PXDNL: variants seen among roughly 807,000 people sequenced by gnomAD.
The protein encoded by PXDNL is peroxidasin like.
Under a neutral mutation model 150.8 loss-of-function variants are expected in PXDNL, and 145 were observed. That is an observed-to-expected ratio of 0.96 (90% CI 0.84 to 1.10). PXDNL has a LOEUF of 1.10. Among genes scored for constraint, PXDNL ranks in the 50% least tolerant of loss-of-function variants. PXDNL has a pLI of 0.00. For synonymous variants in PXDNL, 757 were observed against 725.7 expected (o/e 1.04, Z -0.69); for missense variants, 2,087 against 1,873.9 (o/e 1.11, Z -2.10).
intron 14 of PXDNL, among the ~76,000 whole-genome samples, chr8:51,416,055 T>C (rs1268207075): frequency 5.9e-5 from 9 of 152,234 alleles, no homozygotes; most frequent in Admixed American, 5.2e-4. Flanking sequence ...GACTTGATTA[T>C]TTAATCAACA....
chr8:51,429,585 A>C (rs916046589), intron 12 of PXDNL, among the ~76,000 whole-genome samples: 1 of 152,000 alleles, frequency 6.6e-6, no homozygotes, highest in Middle Eastern at 3.2e-3. Context: ...AAAATAAAGC[A>C]AAAAAAGTCC....
intron 4 of PXDNL, among the ~76,000 whole-genome samples, chr8:51,550,555 C>A (rs965123856): frequency 1.3e-5 from 2 of 152,018 alleles, no homozygotes; most frequent in Admixed American, 1.3e-4. Flanking sequence ...TGTGATACAC[C>A]ACATAAACAG....
chr8:51,547,652 A>G (rs538024148), intron 4 of PXDNL, among the ~76,000 whole-genome samples: 2 of 152,268 alleles, frequency 1.3e-5, no homozygotes, highest in Admixed American at 6.5e-5. Context: ...GGAGAAAACC[A>G]CATCAAGGGA....
chr8:51,442,858 A>T (rs1198765604), intron 12 of PXDNL, among the ~76,000 whole-genome samples: 1 of 118,358 alleles, frequency 8.4e-6, no homozygotes, highest in Non-Finnish European at 2.1e-5. Flanking sequence ...TATTATCAAG[A>T]TTATGCTTGT....
chr8:51,707,105 T>C (rs2130892044), intron 1 of PXDNL, among the ~76,000 whole-genome samples: 1 of 152,356 alleles, frequency 6.6e-6, no homozygotes, highest in South Asian at 2.1e-4. Flanking sequence ...GCTATTTTAA[T>C]AATTTGTTTT....
At chr8:51,609,195 T>C (rs1163767230) in intron 2 of PXDNL, among the ~76,000 whole-genome samples, 1 of 152,228 alleles carries the variant, frequency 6.6e-6, no homozygotes, top group African/African-American at 2.4e-5. Context: ...CTTGATTACT[T>C]ACTATTTTGG....
At chr8:51,517,027 T>C (rs1216347733) in intron 4 of PXDNL, among the ~76,000 whole-genome samples, 2 of 152,228 alleles carry the variant, frequency 1.3e-5, no homozygotes, top group Non-Finnish European at 2.9e-5. Flanking sequence ...TTTACTTTCT[T>C]TTCAGGAAAA....
At chr8:51,609,311 T>A (rs1363799556) in intron 2 of PXDNL, among the ~76,000 whole-genome samples, 1 of 152,006 alleles carries the variant, frequency 6.6e-6, no homozygotes, top group Non-Finnish European at 1.5e-5. Flanking sequence ...AAAATTCAAG[T>A]GGTAATTTAT....
At chr8:51,333,890 T>C (rs192878041) in intron 21 of PXDNL, among the ~76,000 whole-genome samples, 87 of 152,312 alleles carry the variant, frequency 5.7e-4, no homozygotes, top group Non-Finnish European at 8.4e-4. Context: ...AATACTCTAC[T>C]GACAGCACTA....
At chr8:51,664,328 G>A (rs962313412) in intron 1 of PXDNL, among the ~76,000 whole-genome samples, 1 of 152,110 alleles carries the variant, frequency 6.6e-6, no homozygotes, top group African/African-American at 2.4e-5. Flanking sequence ...TTGTCATTCT[G>A]GAGAAAGTGA....
intron 17 of PXDNL, among the ~76,000 whole-genome samples, chr8:51,391,546 A>C (rs1161232227): frequency 6.6e-6 from 1 of 150,404 alleles, no homozygotes; most frequent in Non-Finnish European, 1.5e-5. Flanking sequence ...TCTTCTTTTG[A>C]GAAGTGTCTG....
chr8:51,793,042 C>CA (rs928370988), intron 1 of PXDNL, among the ~76,000 whole-genome samples: 4 of 152,338 alleles, frequency 2.6e-5, no homozygotes, highest in Middle Eastern at 3.4e-3. Flanking sequence ...AGACCCCCCA[C>CA]AACAGGGGTT....
At chr8:51,698,275 G>A (rs1816185940) in intron 1 of PXDNL, among the ~76,000 whole-genome samples, 1 of 152,210 alleles carries the variant, frequency 6.6e-6, no homozygotes, top group Non-Finnish European at 1.5e-5. Context: ...CAGAATTGGA[G>A]TAAATTCTCT....
Position 51,320,846 on chromosome 8 carries a change from C to T in PXDNL, c.4198G>A (p.Gly1400Arg), listed in dbSNP as rs766435712. 3.3e-5 allele frequency: 53 copies of T among 1,613,864 alleles called. No homozygotes were observed. The East Asian group carries it at 1.1e-3, about 35-fold the overall frequency. The stretch of plus-strand genomic sequence containing the variant: ...CGCTCCTCGGCCTTCCTTGGAACCC[C>T]TCTAACATCTGTACACCCTGCCTGC... ...LRQAGCTDVR[G>R]VPRKAEERWM... The change falls in exon 22 of 23, where the codon GGG becomes AGG. Residue 1400 changes from glycine to arginine, a missense_variant. Gly to Arg is a moderately radical substitution (Grantham distance 125, BLOSUM62 -2). Coordinates refer to ENST00000356297, the MANE Select transcript of PXDNL (RefSeq NM_144651.5).
At chr8:51,416,965 T>A (rs1158524925) in intron 14 of PXDNL, among the ~76,000 whole-genome samples, 1 of 152,180 alleles carries the variant, frequency 6.6e-6, no homozygotes, top group African/African-American at 2.4e-5. Context: ...TAAAACTAAC[T>A]CTTTTATTAT....
intron 1 of PXDNL, among the ~76,000 whole-genome samples, chr8:51,780,483 T>C (rs1373971081): frequency 6.6e-6 from 1 of 152,120 alleles, no homozygotes; most frequent in African/African-American, 2.4e-5. Flanking sequence ...TATCCTACAA[T>C]GAGAAACCTT....
In PXDNL at chr8:51,408,089, C is replaced by G. The variant is rs1387727676; in HGVS notation, c.3535G>C (p.Glu1179Gln). ...EDLQNEIKDSEIRQKLRKLYG... is the reference protein window; with the variant it reads ...EDLQNEIKDSQIRQKLRKLYG... Reference sequence around the variant, plus strand: ...TACTTTCTCAGTTTTTGTCTAATCTCTGAATCTTTAATTTCATTTTGAAGA... The same window carrying G: ...TACTTTCTCAGTTTTTGTCTAATCTGTGAATCTTTAATTTCATTTTGAAGA... Residue 1179 changes from glutamate (E) to glutamine (Q), a missense_variant, in exon 17 of 23, where the codon GAG becomes CAG. Coordinates refer to ENST00000356297, the MANE Select transcript of PXDNL (RefSeq NM_144651.5). The G allele has an allele frequency of 6.2e-7, 1 of 1,607,208 alleles. No homozygotes were observed. Among genetic ancestry groups the G allele is most frequent in the Non-Finnish European group, 8.5e-7 (1 of 1,177,998 alleles).
chr8:51,505,340 G>A (rs975043155), intron 4 of PXDNL, among the ~76,000 whole-genome samples: 35 of 63,152 alleles, frequency 5.5e-4, no homozygotes, highest in African/African-American at 3.7e-3. Context: ...TGCTGGTATC[G>A]CTGGTATCGC....
At chr8:51,493,158 A>T (rs1470177877) in intron 5 of PXDNL, among the ~76,000 whole-genome samples, 1 of 152,188 alleles carries the variant, frequency 6.6e-6, no homozygotes, top group Non-Finnish European at 1.5e-5. Flanking sequence ...CGCTGCTGAT[A>T]CCCAGGCAAA....
Sources: gnomAD v4.1 joint callset for allele counts (sites outside exome capture counted in the v4.1 genomes callset) on GRCh38, gnomAD v4.1.1 for gene constraint, MANE v1.5 for transcripts, NCBI Gene and HGNC (gene_info 2026-07-23, HGNC 2026-07-21) for gene names.